Variants in STEAP1B observed in about 807,000 individuals in gnomAD.
STEAP1B encodes the protein STEAP family member 1B.
Under a neutral mutation model 27.9 loss-of-function variants are expected in STEAP1B, and 13 were observed. That is an observed-to-expected ratio of 0.47 (90% CI 0.30 to 0.74). The LOEUF (loss-of-function observed/expected upper bound fraction) is 0.74, where lower values mean the gene tolerates loss of function less well. Among genes scored for constraint, STEAP1B ranks in the 30% least tolerant of loss-of-function variants. The probability of loss-of-function intolerance (pLI) is 0.06; values close to 1 mark genes in which losing one functional copy is unlikely to be tolerated. For synonymous variants in STEAP1B, 86 were observed against 107.1 expected, an observed-to-expected ratio of 0.80 and a Z score of 1.22; for missense variants, 250 against 298.7, an observed-to-expected ratio of 0.84 and a Z score of 1.20.
At chr7:22,428,977 T>C (rs1048411747) in intron 4 of STEAP1B, among the ~76,000 whole-genome samples, 1 of 152,142 alleles carries the variant, frequency 6.6e-6, no homozygotes, top group Non-Finnish European at 1.5e-5. Context: ...CAGGGAAATA[T>C]CAGTCTGAAC....
chr7:22,475,308 G>A (rs542608040), intron 4 of STEAP1B, among the ~76,000 whole-genome samples: 63 of 152,248 alleles, frequency 4.1e-4, no homozygotes, highest in African/African-American at 1.4e-3. Context: ...GACTAGAGGC[G>A]CCACACACTC....
intron 4 of STEAP1B, among the ~76,000 whole-genome samples, chr7:22,440,177 T>C (rs1413721128): frequency 6.6e-6 from 1 of 152,210 alleles, no homozygotes; most frequent in Non-Finnish European, 1.5e-5. Flanking sequence ...TGAAATTGTT[T>C]CTACCAGATC....
chr7:22,427,993 A>T (rs1785130086), intron 4 of STEAP1B, among the ~76,000 whole-genome samples: 1 of 152,210 alleles, frequency 6.6e-6, no homozygotes, highest in Non-Finnish European at 1.5e-5. Flanking sequence ...GGCAACACTG[A>T]TCTCAGCCAG....
intron 4 of STEAP1B, among the ~76,000 whole-genome samples, chr7:22,475,052 T>C (rs1785947381): frequency 6.6e-6 from 1 of 152,182 alleles, no homozygotes; most frequent in South Asian, 2.1e-4. Flanking sequence ...ACATGCCTCA[T>C]AGTATCCTCA....
At position 22,449,971 on chromosome 7, in the gene STEAP1B, C is replaced by T. The variant is rs117544677; in HGVS notation, c.763-30135G>A. ...GAGAAATGTCTATTCAGATCTTTTG[C>T]CCATTTGAAAATTGGATTAGATTTT... On this transcript the variant is annotated intron_variant, in intron 4 of 4. Coordinates refer to ENST00000678116, the MANE Select transcript of STEAP1B (RefSeq NM_001382447.1). Among the ~76,000 whole-genome samples the T allele has an allele frequency of 8.1e-3, 1,226 of 152,240 alleles. 17 individuals carry two copies. Among genetic ancestry groups the T allele is most frequent in the South Asian group, 0.066 (318 of 4,824 alleles).
intron 4 of STEAP1B, among the ~76,000 whole-genome samples, chr7:22,491,405 A>G (rs1287401151): frequency 6.6e-6 from 1 of 152,224 alleles, no homozygotes; most frequent in Non-Finnish European, 1.5e-5. Context: ...TGAAATATGA[A>G]TTCATAATAG....
intron 4 of STEAP1B, among the ~76,000 whole-genome samples, chr7:22,453,928 G>C (rs1329729092): frequency 6.6e-6 from 1 of 152,170 alleles, no homozygotes; most frequent in Non-Finnish European, 1.5e-5. Context: ...ATACAGCAAT[G>C]TATCCATTCT....
At chr7:22,448,158 T>C (rs1785435193) in intron 4 of STEAP1B, among the ~76,000 whole-genome samples, 1 of 152,228 alleles carries the variant, frequency 6.6e-6, no homozygotes, top group African/African-American at 2.4e-5. Flanking sequence ...CATATCCTCT[T>C]GAACCTTTTT....
intron 4 of STEAP1B, 101 bp from the exon 5 acceptor site, chr7:22,419,937 G>A: frequency 7.3e-7 from 1 of 1,364,516 alleles, no homozygotes; most frequent in Non-Finnish European, 9.9e-7. Context: ...GAAATTGCAA[G>A]TATACACGCT....
chr7:22,450,187 TACTCAAGTGCTTGTGGAGTATC>T (rs553376562), intron 4 of STEAP1B, among the ~76,000 whole-genome samples: 2,045 of 150,820 alleles, frequency 0.014, 55 homozygotes, highest in African/African-American at 0.047. Context: ...TGTGGAGTAT[TACTCAAGTGCTTGTGGAGTATC>T]ACTCAAGTGC....
At chr7:22,456,972 A>ATATATATATATATATATATATATTT in intron 4 of STEAP1B, among the ~76,000 whole-genome samples, 2 of 57,072 alleles carry the variant, frequency 3.5e-5, no homozygotes, top group Admixed American at 2.0e-4. Context: ...ATATATATAT[A>ATATATATATATATATATATATATTT]TTTTTTTTTT....
chr7:22,493,526 G>C lies in STEAP1B; in HGVS notation c.395C>G (p.Pro132Arg). Residue 132 changes from proline to arginine, a missense_variant, in exon 3 of 5, where the codon CCA becomes CGA. Physicochemically the swap from Pro to Arg is moderately radical, Grantham distance 103. Transcript: ENST00000678116. ...TTGGACAATTGCTGCTATCACACCTGGTAGGTAAACCAATGCCAAGAGAGT... is the reference window on the plus strand; with the variant it reads ...TTGGACAATTGCTGCTATCACACCTCGTAGGTAAACCAATGCCAAGAGAGT... ...SITLLALVYL[P>R]GVIAAIVQVH... 1.2e-6 allele frequency: 2 copies of C among 1,613,762 alleles called. No individual in the cohort carries two copies. Among genetic ancestry groups the C allele is most frequent in the East Asian group, 2.2e-5 (1 of 44,878 alleles).
In STEAP1B at chr7:22,493,437, T is replaced by G. The variant is rs1370094342; in HGVS notation, c.484A>C (p.Lys162Gln). The G allele has an allele frequency of 1.2e-6, 2 of 1,613,714 alleles. No individual in the cohort carries two copies. Among genetic ancestry groups the G allele is most frequent in the Admixed American group, 3.3e-5 (2 of 60,022 alleles). ...HWLDKWMLTR[K>Q]QFGLLSLFFA... ...AACAAACTGAGAAGCCCAAACTGCT[T>G]TCTTGTTAACATCCACTTATCCAAC... The change falls in exon 3 of 5, where the codon AAG becomes CAG. Residue 162 changes from lysine to glutamine, a missense_variant. Transcript: ENST00000678116.
intron 4 of STEAP1B, among the ~76,000 whole-genome samples, chr7:22,490,177 CT>C (rs969587417): frequency 1.3e-5 from 2 of 150,208 alleles, no homozygotes; most frequent in African/African-American, 2.4e-5. Flanking sequence ...TTTTAGAAAA[CT>C]TTTTTTTAAA....
At chr7:22,436,197 A>G (rs928083539) in intron 4 of STEAP1B, among the ~76,000 whole-genome samples, 17 of 137,316 alleles carry the variant, frequency 1.2e-4, no homozygotes, top group East Asian at 8.5e-4. Context: ...TCCACTTTTC[A>G]TACTTTTTTA....
chr7:22,491,877 GAAGA>G (rs1402135287), intron 4 of STEAP1B, among the ~76,000 whole-genome samples: 2 of 152,144 alleles, frequency 1.3e-5, no homozygotes, highest in South Asian at 2.1e-4. Context: ...GTTTGAAAAG[GAAGA>G]TAGAGACAGT....
intron 4 of STEAP1B, among the ~76,000 whole-genome samples, chr7:22,474,778 G>C (rs1785942818): frequency 6.6e-6 from 1 of 152,144 alleles, no homozygotes; most frequent in Non-Finnish European, 1.5e-5. Flanking sequence ...CCCTCAACTT[G>C]GATAGAGCTC....
intron 4 of STEAP1B, among the ~76,000 whole-genome samples, chr7:22,480,542 A>G (rs922489944): frequency 2.0e-5 from 3 of 152,246 alleles, no homozygotes; most frequent in Non-Finnish European, 4.4e-5. Flanking sequence ...AAAAGCTCAG[A>G]GACAGGGAAA....
intron 4 of STEAP1B, among the ~76,000 whole-genome samples, chr7:22,420,673 C>T (rs1464709080): frequency 6.6e-6 from 1 of 152,234 alleles, no homozygotes; most frequent in Admixed American, 6.5e-5. Flanking sequence ...GTAGGCATAC[C>T]TGGATCCTTG....
Sources: gnomAD v4.1 joint callset for allele counts (sites outside exome capture counted in the v4.1 genomes callset) on GRCh38, gnomAD v4.1.1 for gene constraint, MANE v1.5 for transcripts, NCBI Gene and HGNC (gene_info 2026-07-23, HGNC 2026-07-21) for gene names.